The following COL23A1 variants were observed in gnomAD, a reference collection of about 807,000 sequenced individuals.
The protein encoded by COL23A1 is collagen type XXIII alpha 1 chain.
COL23A1 carries 97 observed loss-of-function variants against 99.3 expected under a neutral mutation model. That is an observed-to-expected ratio of 0.98 (90% confidence interval 0.83 to 1.16). The LOEUF (loss-of-function observed/expected upper bound fraction) is 1.16, where lower values mean the gene tolerates loss of function less well. Ranked by LOEUF, COL23A1 falls within the 50% of genes most tolerant of loss-of-function variation. The pLI, the probability that COL23A1 is intolerant of heterozygous loss-of-function variation, is 0.00. For synonymous variants in COL23A1, 320 were observed against 308.2 expected, an observed-to-expected ratio of 1.04 and a Z score of -0.40; for missense variants, 762 against 757.4, an observed-to-expected ratio of 1.01 and a Z score of -0.07.
chr5:178,490,499 A>C (rs184452159), intron 2 of COL23A1, among the ~76,000 whole-genome samples: 287 of 152,266 alleles, frequency 1.9e-3, no homozygotes, highest in Admixed American at 3.0e-3. Context: ...CGGAAGATGA[A>C]AATGTTCTGG....
rs140431420 is a variant in COL23A1 at position 178,368,982 on chromosome 5, G to C, written c.362-62063C>G. ...GGTTGGGGGAGACAAGGAAATGAATGACTGCTCAGTGTGTGTGCCCCTTCA... is the reference window on the plus strand; with the variant it reads ...GGTTGGGGGAGACAAGGAAATGAATCACTGCTCAGTGTGTGTGCCCCTTCA... On this transcript the variant is annotated intron_variant, in intron 2 of 28. Coordinates refer to ENST00000390654, the MANE Select transcript of COL23A1 (RefSeq NM_173465.4). Among the ~76,000 whole-genome samples the C allele has an allele frequency of 1.4e-3, 212 of 152,358 alleles. 4 individuals carry two copies. The South Asian group carries it at 0.031, about 22-fold the overall frequency.
At chr5:178,567,849 T>C (rs1762910719) in intron 1 of COL23A1, among the ~76,000 whole-genome samples, 1 of 152,200 alleles carries the variant, frequency 6.6e-6, no homozygotes, top group Non-Finnish European at 1.5e-5. Flanking sequence ...AATAAATAAA[T>C]GGAGAGAAGA....
intron 2 of COL23A1, among the ~76,000 whole-genome samples, chr5:178,334,920 C>A (rs1760238230): frequency 6.6e-6 from 1 of 152,194 alleles, no homozygotes; most frequent in Non-Finnish European, 1.5e-5. Context: ...GGCAGCTGAC[C>A]ACATAGCCTG....
At chr5:178,447,659 A>T (rs1351376780) in intron 2 of COL23A1, among the ~76,000 whole-genome samples, 1 of 152,212 alleles carries the variant, frequency 6.6e-6, no homozygotes, top group Non-Finnish European at 1.5e-5. Context: ...GCTGATGTCC[A>T]CACAATGACA....
At chr5:178,328,591 A>G (rs1192670598) in intron 2 of COL23A1, among the ~76,000 whole-genome samples, 1 of 152,210 alleles carries the variant, frequency 6.6e-6, no homozygotes, top group East Asian at 1.9e-4. Flanking sequence ...GCTGAGTATA[A>G]AGTAAGGCTT....
chr5:178,290,938 A>C (rs556747455), intron 3 of COL23A1, among the ~76,000 whole-genome samples: 1 of 152,290 alleles, frequency 6.6e-6, no homozygotes, highest in East Asian at 1.9e-4. Flanking sequence ...TGAGGCCCAC[A>C]GGGGCTTCAC....
intron 2 of COL23A1, among the ~76,000 whole-genome samples, chr5:178,481,653 G>A (rs374138489): frequency 3.2e-4 from 48 of 152,008 alleles, no homozygotes; most frequent in Non-Finnish European, 4.0e-4. Flanking sequence ...TTAGGGAAAC[G>A]TAAATCAAAA....
intron 5 of COL23A1, among the ~76,000 whole-genome samples, chr5:178,287,901 G>A (rs1191054236): frequency 1.3e-5 from 2 of 152,250 alleles, no homozygotes; most frequent in Non-Finnish European, 2.9e-5. Flanking sequence ...TCTGCCAAGG[G>A]ATGACACCAC....
chr5:178,540,520 G>T (rs955792247), intron 2 of COL23A1, among the ~76,000 whole-genome samples: 2 of 152,102 alleles, frequency 1.3e-5, no homozygotes, highest in Non-Finnish European at 2.9e-5. Context: ...AATTAAAGAA[G>T]ACTCAAATAC....
At chr5:178,553,555 C>T (rs1762117707) in intron 2 of COL23A1, among the ~76,000 whole-genome samples, 1 of 152,200 alleles carries the variant, frequency 6.6e-6, no homozygotes. Flanking sequence ...TCCAAAAAGA[C>T]ACAAAAAGAA....
At chr5:178,518,983 G>T (rs1171232228) in intron 2 of COL23A1, among the ~76,000 whole-genome samples, 8 of 149,136 alleles carry the variant, frequency 5.4e-5, no homozygotes, top group South Asian at 2.1e-4. Flanking sequence ...CTGCAGCTGG[G>T]GCCCGCGGGC....
At chr5:178,462,244 C>A (rs375512456) in intron 2 of COL23A1, among the ~76,000 whole-genome samples, 32 of 152,208 alleles carry the variant, frequency 2.1e-4, no homozygotes, top group Admixed American at 8.5e-4. Flanking sequence ...GGTTCCCCCC[C>A]ACCCAGCAAT....
intron 2 of COL23A1, among the ~76,000 whole-genome samples, chr5:178,503,380 C>CA (rs1438834240): frequency 2.0e-5 from 3 of 152,154 alleles, no homozygotes; most frequent in Admixed American, 1.3e-4. Flanking sequence ...ATGTAAAAGA[C>CA]AAAGACAGTC....
chr5:178,548,270 C>T (rs1391409675), intron 2 of COL23A1, among the ~76,000 whole-genome samples: 1 of 151,750 alleles, frequency 6.6e-6, no homozygotes, highest in Non-Finnish European at 1.5e-5. Context: ...CTGCCTCCAC[C>T]TTTTTTGGGC....
At chr5:178,433,672 T>TA (rs1766389799) in intron 2 of COL23A1, among the ~76,000 whole-genome samples, 1 of 152,172 alleles carries the variant, frequency 6.6e-6, no homozygotes, top group Non-Finnish European at 1.5e-5. Flanking sequence ...CTCTGAATAG[T>TA]CCAAGGATTT....
At chr5:178,300,240 T>G (rs1326307514) in intron 3 of COL23A1, among the ~76,000 whole-genome samples, 10 of 151,480 alleles carry the variant, frequency 6.6e-5, no homozygotes, top group Non-Finnish European at 2.9e-5. Context: ...CGGCTAATTT[T>G]TTGTATTTTT....
chr5:178,430,671 T>G (rs1410513350), intron 2 of COL23A1, among the ~76,000 whole-genome samples: 1 of 152,180 alleles, frequency 6.6e-6, no homozygotes, highest in African/African-American at 2.4e-5. Context: ...GTTGGATGGT[T>G]TCTTTCAATG....
At chr5:178,259,310 G>C (rs1014373544) in intron 12 of COL23A1, among the ~76,000 whole-genome samples, 5 of 152,108 alleles carry the variant, frequency 3.3e-5, no homozygotes, top group African/African-American at 1.2e-4. Context: ...TGCTCATTCA[G>C]TGTTTTCAAG....
chr5:178,347,364 G>C (rs924205311), intron 2 of COL23A1, among the ~76,000 whole-genome samples: 1 of 152,050 alleles, frequency 6.6e-6, no homozygotes, highest in African/African-American at 2.4e-5. Flanking sequence ...GTCCCGAACA[G>C]GCGAATCCAG....
Sources: allele counts gnomAD v4.1 joint callset (sites outside exome capture counted in the v4.1 genomes callset), GRCh38; gene constraint gnomAD v4.1.1; transcripts MANE v1.5; gene names NCBI Gene and HGNC (gene_info 2026-07-23, HGNC 2026-07-21).